The following GRID2IP variants were observed in gnomAD, a reference collection of about 807,000 sequenced individuals.
GRID2IP encodes Grid2 interacting protein.
GRID2IP carries 78 observed loss-of-function variants against 114.3 expected under a neutral mutation model. That is an observed-to-expected ratio of 0.68 (90% CI 0.57 to 0.82). The LOEUF is 0.82. GRID2IP is among the 40% of genes least tolerant of loss of function. The pLI is 0.00. For synonymous variants in GRID2IP, 809 were observed against 724.0 expected, an observed-to-expected ratio of 1.12 and a Z score of -1.89; for missense variants, 1,727 against 1,678.5, an observed-to-expected ratio of 1.03 and a Z score of -0.51.
Position 6,507,870 on chromosome 7 carries a change from CT to C in GRID2IP, c.2544+114del. 6.9e-7 allele frequency: 1 copy of C among 1,444,698 alleles called. No homozygotes were observed. Among genetic ancestry groups the C allele is most frequent in the South Asian group, 1.4e-5 (1 of 70,214 alleles). The allele number at this position is 1,444,698 out of a possible 1,614,324, so 89.5% of individuals were successfully genotyped here. On this transcript the variant is annotated intron_variant, in intron 13 of 21. Transcript: ENST00000457091. The surrounding 1 kb of genome is among the most constrained non-coding windows in gnomAD (Gnocchi z 5.3). ...GGGCTGGGCCTCTACTCATCCTCTG[CT>C]TGGGGTAGGGAGGATGATGTTGGAA... is the stretch of plus-strand genomic sequence containing the variant.
rs750383894 is a variant in GRID2IP, at chr7:6,534,520, G to A, written c.584+5198C>T. Among the ~76,000 whole-genome samples the A allele has an allele frequency of 6.6e-6, 1 of 152,118 alleles. No individual in the cohort carries two copies. The highest frequency in any genetic ancestry group is 1.5e-5 in the Non-Finnish European group (1 of 68,022). On this transcript the variant is annotated intron_variant, in intron 2 of 21. Transcript: ENST00000457091. The surrounding 1 kb of genome is among the most constrained non-coding windows in gnomAD (Gnocchi z 4.5). ...GACCACCTGCTTACATGGTGACCAC[G>A]GACCCATCTCACCCTTTACAGCAGC...
chr7:6,525,509 G>A (rs1779492305), intron 4 of GRID2IP, among the ~76,000 whole-genome samples: 1 of 152,002 alleles, frequency 6.6e-6, no homozygotes, highest in South Asian at 2.1e-4. Flanking sequence ...TGTGGTCCCA[G>A]CTACTCTGGA....
At chr7:6,502,751 C>A in intron 18 of GRID2IP, 35 bp downstream of exon 18, 1 of 1,489,730 alleles carries the variant, frequency 6.7e-7, no homozygotes, top group Non-Finnish European at 9.2e-7. Flanking sequence ...GCTGGTAGAG[C>A]AAACCAGTCG....
Position 6,508,235 on chromosome 7 carries a change from T to C in GRID2IP, c.2294A>G (p.His765Arg), listed in dbSNP as rs1481443067. 3 of 1,205,716 alleles carry C rather than the reference T, an allele frequency of 2.5e-6. No homozygotes were observed. The South Asian group carries it at 4.1e-5, about 17-fold the overall frequency. 74.7% of individuals were successfully genotyped at this position (1,205,716 alleles called of 1,614,324 possible). Reference protein sequence around the residue: ...SPPPPPPLPFHDAKPSSRSSD... With the variant: ...SPPPPPPLPFRDAKPSSRSSD... ...GCTGCGGGAGCTGGGCTTAGCGTCATGGAAAGGCAGGGGTGGCGGTGGTGG... is the reference window on the plus strand; with the variant it reads ...GCTGCGGGAGCTGGGCTTAGCGTCACGGAAAGGCAGGGGTGGCGGTGGTGG... Residue 765 changes from histidine to arginine, a missense_variant, in exon 13 of 22, where the codon CAT becomes CGT. His to Arg is a conservative substitution (Grantham distance 29, BLOSUM62 0). Coordinates refer to ENST00000457091, the MANE Select transcript of GRID2IP (RefSeq NM_001145118.2). The surrounding 1 kb of genome is among the most constrained non-coding windows in gnomAD (Gnocchi z 5.6).
rs368527563 is a variant in GRID2IP, at chr7:6,536,592, G to T, written c.584+3126C>A. On this transcript the variant is annotated intron_variant, in intron 2 of 21. Transcript: ENST00000457091. The surrounding 1 kb of genome is among the most constrained non-coding windows in gnomAD (Gnocchi z 5.3). ...ACCGAGAGGGCCTCCAGCCGAGCCC[G>T]GCTGCCAGCAGCCGGGAGACGAGCG... 6.6e-6 allele frequency among the ~76,000 whole-genome samples: 1 copy of T among 151,886 alleles called. No individual in the cohort carries two copies. The highest frequency in any genetic ancestry group is 1.5e-5 in the Non-Finnish European group (1 of 67,936).
rs554280534 is a variant in GRID2IP, at chr7:6,534,358, C to T, written c.584+5360G>A. Among the ~76,000 whole-genome samples the T allele has an allele frequency of 5.9e-5, 9 of 152,288 alleles. No homozygotes were observed. The highest frequency in any genetic ancestry group is 4.6e-4 in the Admixed American group (7 of 15,278). ...CTGCTTTCCTGTTCCCTCCTGGCCA[C>T]GTCACACTTTCCAAACTGCCTGGCC... On this transcript the variant is annotated intron_variant, in intron 2 of 21. Transcript: ENST00000457091. The surrounding 1 kb of genome is among the most constrained non-coding windows in gnomAD (Gnocchi z 4.5).
At position 6,497,233 on chromosome 7, in the gene GRID2IP, T is replaced by G. The variant is rs186028291; in HGVS notation, c.*541A>C. ...CTTCCTTCTCCAGTCCTTCCTTCCC[T>G]GCGTCTCTCCCAGGCTTCTCTCTTC... On this transcript the variant is annotated 3_prime_UTR_variant, in exon 22 of 22. Coordinates refer to ENST00000457091, the MANE Select transcript of GRID2IP (RefSeq NM_001145118.2). Among the ~76,000 whole-genome samples, 1 of 152,330 alleles carries G rather than the reference T, an allele frequency of 6.6e-6. No individual in the cohort carries two copies. Among genetic ancestry groups the G allele is most frequent in the African/African-American group, 2.4e-5 (1 of 41,588 alleles).
intron 20 of GRID2IP, among the ~76,000 whole-genome samples, chr7:6,499,282 C>A (rs1193414262): frequency 6.7e-6 from 1 of 150,032 alleles, no homozygotes; most frequent in Non-Finnish European, 1.5e-5. Flanking sequence ...GTTCTCATGA[C>A]CCCTCTTTTT....
intron 1 of GRID2IP, among the ~76,000 whole-genome samples, chr7:6,546,620 T>A (rs1779893274): frequency 6.6e-6 from 1 of 151,306 alleles, no homozygotes; most frequent in Non-Finnish European, 1.5e-5. Flanking sequence ...CGGAGGCCCT[T>A]CATCTTCCAG....
At position 6,534,478 on chromosome 7, in the gene GRID2IP, G is replaced by A. The variant is rs988339772; in HGVS notation, c.584+5240C>T. 6.6e-6 allele frequency among the ~76,000 whole-genome samples: 1 copy of A among 152,176 alleles called. No homozygotes were observed. Among genetic ancestry groups the A allele is most frequent in the Non-Finnish European group, 1.5e-5 (1 of 68,030 alleles). ...CCTCCCAGTCGCAGGATTAACTGTT[G>A]TGGTGAAGGAATAGGAGACCACCTG... On this transcript the variant is annotated intron_variant, in intron 2 of 21. Coordinates refer to ENST00000457091, the MANE Select transcript of GRID2IP (RefSeq NM_001145118.2). This position sits in a 1 kb window ranked among gnomAD's most constrained non-coding sequence, Gnocchi z 4.5.
chr7:6,507,949 C>G lies in GRID2IP; in HGVS notation c.2544+36G>C. ...GTGCTGCTGCCCAAGCCATCCTCCC[C>G]CAGTACAGAGCGCTGCTGGGTCCCA... On this transcript the variant is annotated intron_variant, in intron 13 of 21. Coordinates refer to ENST00000457091, the MANE Select transcript of GRID2IP (RefSeq NM_001145118.2). This position sits in a 1 kb window ranked among gnomAD's most constrained non-coding sequence, Gnocchi z 5.3. The G allele has an allele frequency of 6.5e-7, 1 of 1,547,640 alleles. No homozygotes were observed. Among genetic ancestry groups the G allele is most frequent in the Non-Finnish European group, 8.7e-7 (1 of 1,145,728 alleles).
chr7:6,498,643 G>C (rs1012223790), intron 20 of GRID2IP, among the ~76,000 whole-genome samples: 2 of 135,116 alleles, frequency 1.5e-5, no homozygotes, highest in Non-Finnish European at 3.1e-5. Flanking sequence ...GCAGTGGTGT[G>C]ATCACAGCTC....
intron 15 of GRID2IP, 79 bp from the exon 16 acceptor site, chr7:6,503,766 G>A (rs1204158072): frequency 9.3e-7 from 1 of 1,074,294 alleles, no homozygotes; most frequent in South Asian, 1.8e-5. Context: ...GGGCAGGGCA[G>A]AGGCGGGGAG....
At chr7:6,547,122 A>G (rs1779899918) in intron 1 of GRID2IP, among the ~76,000 whole-genome samples, 1 of 152,154 alleles carries the variant, frequency 6.6e-6, no homozygotes, top group African/African-American at 2.4e-5. Flanking sequence ...GAAGCTTCAC[A>G]TAGAGATGGA....
chr7:6,500,482 G>T (rs920665548), intron 20 of GRID2IP, among the ~76,000 whole-genome samples: 2 of 152,036 alleles, frequency 1.3e-5, no homozygotes, highest in African/African-American at 4.8e-5. Flanking sequence ...ACAAAAATCC[G>T]GGTGTGAAGT....
At chr7:6,525,505 C>G (rs190381887) in intron 4 of GRID2IP, among the ~76,000 whole-genome samples, 1 of 152,002 alleles carries the variant, frequency 6.6e-6, no homozygotes, top group Non-Finnish European at 1.5e-5. Context: ...CGCCTGTGGT[C>G]CCAGCTACTC....
In GRID2IP at chr7:6,510,915, GAGGCCGGCCTCC is replaced by G; in HGVS notation, c.1536_1547del (p.Glu513_Leu516del). On this transcript the variant is annotated inframe_deletion, in exon 9 of 22. Coordinates refer to ENST00000457091, the MANE Select transcript of GRID2IP (RefSeq NM_001145118.2). ...CCCTGACACCAGCCTTACCGCAGCT[GAGGCCGGCCTCC>G]AGGCCCTGGGACCGGAGGCTGCGGC... 13 of 1,549,938 alleles carry G rather than the reference GAGGCCGGCCTCC, an allele frequency of 8.4e-6. No individual in the cohort carries two copies. The highest frequency in any genetic ancestry group is 1.1e-5 in the Non-Finnish European group (13 of 1,146,100).
intron 7 of GRID2IP, among the ~76,000 whole-genome samples, chr7:6,517,319 G>A (rs150237635): frequency 0.036 from 5,498 of 151,750 alleles, 155 homozygotes; most frequent in Non-Finnish European, 0.056. Flanking sequence ...AGCCTCCCAA[G>A]GTGCTGGGAT....
rs567416717 is a variant in GRID2IP at position 6,534,967 on chromosome 7, T to A, written c.584+4751A>T. The stretch of plus-strand genomic sequence containing the variant: ...ATGGCACGATCTCGGCTCACTGCAA[T>A]CTCCGCCTCCCAGGTTCAAGCGATG... On this transcript the variant is annotated intron_variant, in intron 2 of 21. Transcript: ENST00000457091. This position sits in a 1 kb window ranked among gnomAD's most constrained non-coding sequence, Gnocchi z 4.5. Among the ~76,000 whole-genome samples, 2 of 152,072 alleles carry A rather than the reference T, an allele frequency of 1.3e-5. No individual in the cohort carries two copies. Among genetic ancestry groups the A allele is most frequent in the African/African-American group, 2.4e-5 (1 of 41,394 alleles).
Sources: gnomAD v4.1 joint callset for allele counts (sites outside exome capture counted in the v4.1 genomes callset) on GRCh38, gnomAD v4.1.1 for gene constraint, Gnocchi (gnomAD v3.1) non-coding constraint, MANE v1.5 for transcripts, NCBI Gene and HGNC (gene_info 2026-07-23, HGNC 2026-07-21) for gene names.